SALL4: variants seen among roughly 807,000 people sequenced by gnomAD.
SALL4 encodes the protein sal-like protein 4.
Under a neutral mutation model 60.8 loss-of-function variants are expected in SALL4, and 4 were observed. The observed-to-expected ratio is 0.07, with a 90% CI of 0.03 to 0.15. SALL4 has a LOEUF of 0.15. Among genes scored for constraint, SALL4 ranks in the 10% least tolerant of loss-of-function variants. SALL4 has a pLI of 1.00. For synonymous variants in SALL4, 580 were observed against 574.9 expected, an observed-to-expected ratio of 1.01 and a Z score of -0.13; for missense variants, 1,178 against 1,394.7, an observed-to-expected ratio of 0.84 and a Z score of 2.48.
In SALL4 at chr20:51,799,568, T is replaced by C. The variant is rs377535523; in HGVS notation, c.130+2711A>G. On this transcript the variant is annotated intron_variant, in intron 1 of 3. Transcript: ENST00000217086. ...ACAAAAGGAGCTGTTTGGCAAATTG[T>C]AGCTTCTCTCCCTATGGGAAACCCA... 2.6e-5 allele frequency among the ~76,000 whole-genome samples: 4 copies of C among 152,356 alleles called. No individual in the cohort carries two copies. The South Asian group carries it at 6.2e-4, about 24-fold the overall frequency.
At chr20:51,800,605 A>C (rs889836588) in intron 1 of SALL4, among the ~76,000 whole-genome samples, 1 of 152,174 alleles carries the variant, frequency 6.6e-6, no homozygotes, top group Non-Finnish European at 1.5e-5. Flanking sequence ...TCAGCGTAGG[A>C]CCAGGGGAGG....
chr20:51,791,472 C>T lies in SALL4; in HGVS notation c.1011G>A (p.Gln337=). Reference sequence around the variant, plus strand: ...TCTGGAAGAGCACCGAGCCCGGGGCCTGAGGAAGCAAAGCGCTCGGGAGGC... The same window carrying T: ...TCTGGAAGAGCACCGAGCCCGGGGCTTGAGGAAGCAAAGCGCTCGGGAGGC... The part of the protein sequence containing the change: ...MSRLPSALLP[Q]APGSVLFQSP... Residue 337 remains glutamine, a synonymous_variant, in exon 2 of 4, where the codon CAG becomes CAA. Coordinates refer to ENST00000217086, the MANE Select transcript of SALL4 (RefSeq NM_020436.5). The surrounding 1 kb of genome is among the most constrained non-coding windows in gnomAD (Gnocchi z 4.6). 1.9e-6 allele frequency: 3 copies of T among 1,614,148 alleles called. No homozygotes were observed. The highest frequency in any genetic ancestry group is 2.5e-6 in the Non-Finnish European group (3 of 1,180,002).
chr20:51,782,436 G>C lies in SALL4; in HGVS notation c.*1829C>G, dbSNP rs2077961218. 1 of 150,790 alleles carries C rather than the reference G, an allele frequency of 6.6e-6. No individual in the cohort carries two copies. The highest frequency in any genetic ancestry group is 2.4e-5 in the African/African-American group (1 of 40,942). The allele number at this position is 150,790 out of a possible 1,614,324, so 9.3% of individuals were successfully genotyped here. ...ATCATACATTCACAAGGCATTATTA[G>C]CTCAACAGTGAGAAAGCCACTGGTG... On this transcript the variant is annotated 3_prime_UTR_variant, in exon 4 of 4. Coordinates refer to ENST00000217086, the MANE Select transcript of SALL4 (RefSeq NM_020436.5).
chr20:51,789,937 T>A, intron 2 of SALL4, 85 bp downstream of exon 2: 4 of 1,555,296 alleles, frequency 2.6e-6, no homozygotes, highest in Middle Eastern at 2.0e-4. Flanking sequence ...CAAGTCATAC[T>A]CTCCGTTTGT....
In SALL4 at chr20:51,784,019, C is replaced by CAAA. The variant is rs60718711; in HGVS notation, c.*243_*245dup. On this transcript the variant is annotated 3_prime_UTR_variant, in exon 4 of 4. Coordinates refer to ENST00000217086, the MANE Select transcript of SALL4 (RefSeq NM_020436.5). ...TGGGTGATAGAGCGAGACTCCATCT[C>CAAA]AAAAAAAAAGAGTCTGTATTTGTTT... 131 of 487,858 alleles carry CAAA rather than the reference C, an allele frequency of 2.7e-4. No individual in the cohort carries two copies. The highest frequency in any genetic ancestry group is 3.9e-4 in the East Asian group (10 of 25,614). The allele number at this position is 487,858 out of a possible 1,614,324, so 30.2% of individuals were successfully genotyped here.
rs377531307 is a variant in SALL4, at chr20:51,783,040, A to C, written c.*1225T>G. The C allele has an allele frequency of 6.6e-6, 1 of 152,256 alleles. No individual in the cohort carries two copies. The highest frequency in any genetic ancestry group is 1.5e-5 in the Non-Finnish European group (1 of 68,046). 9.4% of individuals were successfully genotyped at this position (152,256 alleles called of 1,614,324 possible). On this transcript the variant is annotated 3_prime_UTR_variant, in exon 4 of 4. Transcript: ENST00000217086. Reference sequence around the variant, plus strand: ...CAAAAAATCGTCATAATTACTTGGCATAAGTCGCACCAAGGAAATTCAACA... The same window carrying C: ...CAAAAAATCGTCATAATTACTTGGCCTAAGTCGCACCAAGGAAATTCAACA...
intron 3 of SALL4, among the ~76,000 whole-genome samples, chr20:51,786,823 A>G (rs2077995924): frequency 6.6e-6 from 1 of 152,266 alleles, no homozygotes; most frequent in African/African-American, 2.4e-5. Context: ...GGCAGGGCAC[A>G]GTGGCTCACG....
rs531926831 is a variant in SALL4, at chr20:51,782,548, G to T, written c.*1717C>A. On this transcript the variant is annotated 3_prime_UTR_variant, in exon 4 of 4. Coordinates refer to ENST00000217086, the MANE Select transcript of SALL4 (RefSeq NM_020436.5). ...AATTCCAGAAGGAAAGGCACAACTT[G>T]GCAAAAAAAAAAAAAAAAAAAAAAA... 3 of 58,500 alleles carry T rather than the reference G, an allele frequency of 5.1e-5. No homozygotes were observed. In the East Asian group the frequency reaches 1.2e-3, roughly 24 times the overall value. The allele number at this position is 58,500 out of a possible 1,614,324, so 3.6% of individuals were successfully genotyped here. A position where few individuals can be genotyped will look rare whatever the true frequency, so the allele number is the denominator to read the frequency against.
rs1327909792 is a variant in SALL4, at chr20:51,791,028, T to A, written c.1455A>T (p.Leu485=). 3 of 1,613,946 alleles carry A rather than the reference T, an allele frequency of 1.9e-6. No individual in the cohort carries two copies. The highest frequency in any genetic ancestry group is 2.5e-6 in the Non-Finnish European group (3 of 1,180,004). Residue 485 remains leucine, a synonymous_variant, in exon 2 of 4, where the codon CTA becomes CTT. Coordinates refer to ENST00000217086, the MANE Select transcript of SALL4 (RefSeq NM_020436.5). This position sits in a 1 kb window ranked among gnomAD's most constrained non-coding sequence, Gnocchi z 4.6. ...KPVLVTTSVG[L]PQNLSSGTNP... ...TAGTCCCCGAAGAAAGATTCTGAGG[T>A]AGCCCTACAGAGGTGGTTACAAGGA...
In SALL4 at chr20:51,784,490, A is replaced by G. The variant is rs757536311; in HGVS notation, c.2937T>C (p.Gly979=). 6.2e-6 allele frequency: 10 copies of G among 1,614,022 alleles called. No homozygotes were observed. The highest frequency in any genetic ancestry group is 1.7e-6 in the Non-Finnish European group (2 of 1,180,042). Residue 979 remains glycine (G), a synonymous_variant, in exon 4 of 4, where the codon GGT becomes GGC. Coordinates refer to ENST00000217086, the MANE Select transcript of SALL4 (RefSeq NM_020436.5). ...AGATCTCATTGGTCTTCACGGCCAG[A>G]CCGCCATTGAGCATGCTGGTGTACT... ...WNQYTSMLNG[G]LAVKTNEISV... is the part of the protein sequence containing the mutation.
chr20:51,792,786 G>C (rs984948746), intron 1 of SALL4: 1 of 1,064,210 alleles, frequency 9.4e-7, no homozygotes. Context: ...CCTACACATT[G>C]CAACTCCGAA....
intron 2 of SALL4, 115 bp from the exon 3 acceptor site, chr20:51,789,256 G>A (rs1358983211): frequency 8.6e-7 from 1 of 1,162,414 alleles, no homozygotes; most frequent in Non-Finnish European, 1.2e-6. Flanking sequence ...GTCTGGAGCT[G>A]GCTTTGTAAG....
At chr20:51,784,740 C>A (rs2077980370) in intron 3 of SALL4, 56 bp from the exon 4 acceptor site, 1 of 1,594,522 alleles carries the variant, frequency 6.3e-7, no homozygotes, top group African/African-American at 1.3e-5. Context: ...AGCTCACTGG[C>A]AAGCCAAGAA....
At chr20:51,784,811 A>C in intron 3 of SALL4, 127 bp from the exon 4 acceptor site, 1 of 1,109,160 alleles carries the variant, frequency 9.0e-7, no homozygotes, top group Non-Finnish European at 1.4e-6. Flanking sequence ...TCCTTGACTT[A>C]CAGCGGGGTT....
chr20:51,786,759 C>G (rs745633203), intron 3 of SALL4, among the ~76,000 whole-genome samples: 1 of 152,148 alleles, frequency 6.6e-6, no homozygotes, highest in Non-Finnish European at 1.5e-5. Flanking sequence ...TTTCAAAAGT[C>G]CAGTGAAAAT....
In SALL4 at chr20:51,791,339, G is replaced by A; in HGVS notation, c.1144C>T (p.His382Tyr). Residue 382 changes from histidine to tyrosine, a missense_variant, in exon 2 of 4, where the codon CAC becomes TAC. Transcript: ENST00000217086. This position sits in a 1 kb window ranked among gnomAD's most constrained non-coding sequence, Gnocchi z 4.6. Reference sequence around the variant, plus strand: ...ACCTTGCTACAGTACTTACACTTGTGCTTGTAGAGGGCCGCCTCGTCTTTG... The same window carrying A: ...ACCTTGCTACAGTACTTACACTTGTACTTGTAGAGGGCCGCCTCGTCTTTG... ...KPKDEAALYKHKCKYCSKVFG... is the reference protein window; with the variant it reads ...KPKDEAALYKYKCKYCSKVFG... 3.1e-6 allele frequency: 5 copies of A among 1,614,144 alleles called. No individual in the cohort carries two copies. The highest frequency in any genetic ancestry group is 4.2e-6 in the Non-Finnish European group (5 of 1,180,038).
chr20:51,802,145 G>A, intron 1 of SALL4, 134 bp downstream of exon 1: 4 of 1,067,958 alleles, frequency 3.7e-6, no homozygotes, highest in Middle Eastern at 3.2e-4. Flanking sequence ...CTCTCCTCCC[G>A]GGCACTGAGC....
At chr20:51,795,425 A>G (rs1390224856) in intron 1 of SALL4, among the ~76,000 whole-genome samples, 2 of 151,918 alleles carry the variant, frequency 1.3e-5, no homozygotes, top group East Asian at 3.9e-4. Context: ...AAAAACAAAA[A>G]CAGATAAAAA....
At position 51,791,923 on chromosome 20, in the gene SALL4, C is replaced by T. The variant is rs752430571; in HGVS notation, c.560G>A (p.Arg187Gln). 2.0e-5 allele frequency: 32 copies of T among 1,614,210 alleles called. No homozygotes were observed. Among genetic ancestry groups the T allele is most frequent in the Non-Finnish European group, 2.5e-5 (29 of 1,180,044 alleles). ...ANTNVTLQALRGTKVAVNQRS... is the reference protein window; with the variant it reads ...ANTNVTLQALQGTKVAVNQRS... ...CTGATTCACCGCCACCTTGGTGCCC[C>T]GTAGTGCCTGCAAGGTCACATTAGT... The change falls in exon 2 of 4, where the codon CGG becomes CAG. Residue 187 changes from arginine (R) to glutamine (Q), a missense_variant. Physicochemically the swap from Arg to Gln is conservative, Grantham distance 43 (BLOSUM62 1). Coordinates refer to ENST00000217086, the MANE Select transcript of SALL4 (RefSeq NM_020436.5). This position sits in a 1 kb window ranked among gnomAD's most constrained non-coding sequence, Gnocchi z 4.6.
Sources: allele counts gnomAD v4.1 joint callset (sites outside exome capture counted in the v4.1 genomes callset), GRCh38; gene constraint gnomAD v4.1.1; non-coding constraint Gnocchi (gnomAD v3.1); transcripts MANE v1.5; gene names NCBI Gene and HGNC (gene_info 2026-07-23, HGNC 2026-07-21).